Variants in EIF2B5 observed in about 807,000 individuals in gnomAD.
EIF2B5 encodes eukaryotic translation initiation factor 2B subunit epsilon, also known as translation initiation factor eIF2B subunit epsilon.
EIF2B5 carries 38 observed loss-of-function variants against 87.3 expected under a neutral mutation model. The ratio of observed to expected loss-of-function variants is 0.44; its 90% confidence interval spans 0.34 to 0.57. The LOEUF (loss-of-function observed/expected upper bound fraction) is 0.57, where lower values mean the gene tolerates loss of function less well. Ranked by LOEUF, EIF2B5 falls within the 20% of genes least tolerant of loss-of-function variation. EIF2B5 has a pLI of 0.02. For missense variants in EIF2B5, 784 were observed against 909.5 expected (o/e 0.86, Z 1.78); for synonymous variants, 313 against 339.6 (o/e 0.92, Z 0.86).
At chr3:184,135,647 T>G in intron 1 of EIF2B5, 67 bp downstream of exon 1, 22 of 1,543,286 alleles carry the variant, frequency 1.4e-5, no homozygotes, top group Non-Finnish European at 1.8e-5. Context: ...AGTTCTCATT[T>G]CGGCTAACTA....
chr3:184,142,081 A>T lies in EIF2B5; in HGVS notation c.1302+11A>T, dbSNP rs780945042. 6.8e-6 allele frequency: 11 copies of T among 1,614,100 alleles called. No individual in the cohort carries two copies. Among genetic ancestry groups the T allele is most frequent in the Non-Finnish European group, 9.3e-6 (11 of 1,180,036 alleles). ...GTCCTCACTTCCCAGGTGAGACCTG[A>T]TCTATACTGTGCACAGGCCCTGAAT... On this transcript the variant is annotated intron_variant, in intron 8 of 15. Coordinates refer to ENST00000648915, the MANE Select transcript of EIF2B5 (RefSeq NM_003907.3). This position sits in a 1 kb window ranked among gnomAD's most constrained non-coding sequence, Gnocchi z 5.0.
rs1713690599 is a variant in EIF2B5, at chr3:184,142,621, C to G, written c.1546+18C>G. On this transcript the variant is annotated intron_variant, in intron 10 of 15. Coordinates refer to ENST00000648915, the MANE Select transcript of EIF2B5 (RefSeq NM_003907.3). The surrounding 1 kb of genome is among the most constrained non-coding windows in gnomAD (Gnocchi z 5.0). ...TCTGTGGGGTGAGCTAGGCCTGATG[C>G]CTGCCCTTCTCCTCCTGAATCGGAA... The G allele has an allele frequency of 6.2e-7, 1 of 1,608,866 alleles. No homozygotes were observed. Among genetic ancestry groups the G allele is most frequent in the Non-Finnish European group, 8.5e-7 (1 of 1,176,518 alleles).
intron 7 of EIF2B5, 81 bp from the exon 8 acceptor site, chr3:184,141,844 A>C: frequency 6.3e-7 from 1 of 1,577,406 alleles, no homozygotes; most frequent in Non-Finnish European, 8.7e-7. Context: ...TGCTGGTGTC[A>C]GTCAGCCCTG....
Position 184,142,126 on chromosome 3 carries a change from G to A in EIF2B5, c.1302+56G>A, listed in dbSNP as rs560147324. The A allele has an allele frequency of 6.2e-7, 1 of 1,614,010 alleles. No homozygotes were observed. The highest frequency in any genetic ancestry group is 1.7e-5 in the Admixed American group (1 of 60,014). ...CTGAATTGCATGGCAGTCACACTGAGCCAGAAGGGGCATTATTTCCACCCA... is the reference window on the plus strand; with the variant it reads ...CTGAATTGCATGGCAGTCACACTGAACCAGAAGGGGCATTATTTCCACCCA... On this transcript the variant is annotated intron_variant, in intron 8 of 15. Coordinates refer to ENST00000648915, the MANE Select transcript of EIF2B5 (RefSeq NM_003907.3). The surrounding 1 kb of genome is among the most constrained non-coding windows in gnomAD (Gnocchi z 5.0).
intron 6 of EIF2B5, 107 bp downstream of exon 6, chr3:184,140,264 G>A (rs1427053476): frequency 7.0e-7 from 1 of 1,426,578 alleles, no homozygotes; most frequent in African/African-American, 1.4e-5. Context: ...GCTTAGGAGG[G>A]AGGAAAAGCA....
chr3:184,140,723 C>G lies in EIF2B5; in HGVS notation c.1149C>G (p.Cys383Trp). 6.2e-7 allele frequency: 1 copy of G among 1,614,054 alleles called. No homozygotes were observed. The highest frequency in any genetic ancestry group is 8.5e-7 in the Non-Finnish European group (1 of 1,180,034). ...FITNSVIGPGCHIGDNVVLDQ... is the reference protein window; with the variant it reads ...FITNSVIGPGWHIGDNVVLDQ... ...CCAACAGTGTCATTGGCCCCGGCTG[C>G]CACATTGGTGAGCACAGGTGGGGAA... The change falls in exon 7 of 16, where the codon TGC becomes TGG. Residue 383 changes from cysteine to tryptophan, a missense_variant. Coordinates refer to ENST00000648915, the MANE Select transcript of EIF2B5 (RefSeq NM_003907.3).
rs549600971 is a variant in EIF2B5, at chr3:184,141,896, T to TA, written c.1157-28dup. 175 of 1,613,700 alleles carry TA rather than the reference T, an allele frequency of 1.1e-4. No homozygotes were observed. The South Asian group carries it at 1.7e-3, about 15-fold the overall frequency. ...CTGCTCTGCGGTTGGAACCCTGAGTTACCCAGAGGTCTTCCCATCCTGAGC... is the reference window on the plus strand; with the variant it reads ...CTGCTCTGCGGTTGGAACCCTGAGTTAACCCAGAGGTCTTCCCATCCTGAGC... On this transcript the variant is annotated intron_variant, in intron 7 of 15. Coordinates refer to ENST00000648915, the MANE Select transcript of EIF2B5 (RefSeq NM_003907.3).
In EIF2B5 at chr3:184,142,643, G is replaced by A. The variant is rs761136935; in HGVS notation, c.1546+40G>A. On this transcript the variant is annotated intron_variant, in intron 10 of 15. Coordinates refer to ENST00000648915, the MANE Select transcript of EIF2B5 (RefSeq NM_003907.3). The surrounding 1 kb of genome is among the most constrained non-coding windows in gnomAD (Gnocchi z 5.0). ...ATGCCTGCCCTTCTCCTCCTGAATC[G>A]GAATATTTTGAAGGATAATGAATAC... The A allele has an allele frequency of 4.5e-5, 72 of 1,590,904 alleles. No homozygotes were observed. The highest frequency in any genetic ancestry group is 1.2e-4 in the Admixed American group (7 of 56,612).
rs1713312122 is a variant in EIF2B5, at chr3:184,135,570, ACCAGCCTCGGGTGAGCG to A, written c.188_195+9del. The A allele has an allele frequency of 6.3e-7, 1 of 1,587,630 alleles. No homozygotes were observed. The highest frequency in any genetic ancestry group is 1.4e-5 in the African/African-American group (1 of 73,994). ...CGCCGCTTCTTCCCCATCTCCAAGG[ACCAGCCTCGGGTGAGCG>A]CCGCGCACGCGAGCAGCCAGAGGGC... On this transcript the variant is annotated splice_donor_variant and splice_donor_5th_base_variant and coding_sequence_variant and intron_variant, in exon 1 of 16. Coordinates refer to ENST00000648915, the MANE Select transcript of EIF2B5 (RefSeq NM_003907.3). LOFTEE classifies it high-confidence loss of function.
At chr3:184,143,911 T>C in intron 13 of EIF2B5, 188 bp from the exon 14 acceptor site, 1 of 924,666 alleles carries the variant, frequency 1.1e-6, no homozygotes, top group East Asian at 2.4e-5. Context: ...CTGATCCCCT[T>C]TCACCTTCCC....
rs755710011 is a variant in EIF2B5 at position 184,138,258 on chromosome 3, A to G, written c.765+12A>G. On this transcript the variant is annotated intron_variant, in intron 5 of 15. Coordinates refer to ENST00000648915, the MANE Select transcript of EIF2B5 (RefSeq NM_003907.3). Reference sequence around the variant, plus strand: ...TCTGTTCTCCTCAGGTGAGCTCTTTAGGGCTGGGGCTGCACACCCAAAGAG... The same window carrying G: ...TCTGTTCTCCTCAGGTGAGCTCTTTGGGGCTGGGGCTGCACACCCAAAGAG... The G allele has an allele frequency of 1.9e-6, 3 of 1,612,916 alleles. No individual in the cohort carries two copies. The Admixed American group carries it at 5.0e-5, about 27-fold the overall frequency.
chr3:184,136,471 A>T, intron 1 of EIF2B5, 141 bp from the exon 2 acceptor site: 1 of 1,125,134 alleles, frequency 8.9e-7, no homozygotes, highest in Non-Finnish European at 1.3e-6. Flanking sequence ...CATCAAAGGC[A>T]GGAACCTGTT....
chr3:184,142,417 G>A lies in EIF2B5; in HGVS notation c.1444+39G>A, dbSNP rs755667859. 70 of 1,614,052 alleles carry A rather than the reference G, an allele frequency of 4.3e-5. No homozygotes were observed. The highest frequency in any genetic ancestry group is 5.2e-5 in the Non-Finnish European group (61 of 1,180,038). On this transcript the variant is annotated intron_variant, in intron 9 of 15. Coordinates refer to ENST00000648915, the MANE Select transcript of EIF2B5 (RefSeq NM_003907.3). The surrounding 1 kb of genome is among the most constrained non-coding windows in gnomAD (Gnocchi z 5.0). ...CAGGTGTGGGGCATCTGTGTGTCTC[G>A]CTGCCTCATAGAAGAACCAGTGTTT...
At chr3:184,137,569 A>T (rs1238676631) in intron 2 of EIF2B5, 51 bp from the exon 3 acceptor site, 1 of 1,591,832 alleles carries the variant, frequency 6.3e-7, no homozygotes, top group Non-Finnish European at 8.6e-7. Flanking sequence ...GGAAGGCTCA[A>T]ATGATCTTTA....
chr3:184,138,057 G>A lies in EIF2B5; in HGVS notation c.666G>A (p.Arg222=), dbSNP rs1713446482. 1 of 1,614,032 alleles carries A rather than the reference G, an allele frequency of 6.2e-7. No individual in the cohort carries two copies. The highest frequency in any genetic ancestry group is 8.5e-7 in the Non-Finnish European group (1 of 1,180,052). ...ATTTTCAGAAGACCCAGGGTCTCCG[G>A]CGTTTTGCATTTCCTCTGGTGTGTG... ...VLHFQKTQGL[R]RFAFPLSLFQ... The change falls in exon 4 of 16, where the codon CGG becomes CGA. Residue 222 remains arginine, a synonymous_variant. Transcript: ENST00000648915.
intron 5 of EIF2B5, among the ~76,000 whole-genome samples, chr3:184,139,644 C>T (rs1205247325): frequency 6.7e-6 from 1 of 150,276 alleles, no homozygotes; most frequent in South Asian, 2.1e-4. Context: ...CACTGGGAGT[C>T]TCTTTGGAAT....
chr3:184,144,765 C>T (rs771846717), intron 15 of EIF2B5, 58 bp downstream of exon 15: 6 of 1,587,128 alleles, frequency 3.8e-6, no homozygotes, highest in Non-Finnish European at 5.2e-6. Flanking sequence ...GGTCCTGGCC[C>T]CTAGACTCTA....
In EIF2B5 at chr3:184,137,935, A is replaced by T. The variant is rs760372231; in HGVS notation, c.544A>T (p.Thr182Ser). 6.2e-7 allele frequency: 1 copy of T among 1,614,160 alleles called. No individual in the cohort carries two copies. Among genetic ancestry groups the T allele is most frequent in the Non-Finnish European group, 8.5e-7 (1 of 1,180,040 alleles). ...RKLEKNVSVMTMIFKESSPSH... is the reference protein window; with the variant it reads ...RKLEKNVSVMSMIFKESSPSH... ...GCTAGAAAAAAATGTTTCTGTGATGACGATGATCTTCAAGGAGTCATCCCC... is the reference window on the plus strand; with the variant it reads ...GCTAGAAAAAAATGTTTCTGTGATGTCGATGATCTTCAAGGAGTCATCCCC... Residue 182 changes from threonine to serine, a missense_variant, in exon 4 of 16, where the codon ACG (threonine) becomes TCG (serine). Transcript: ENST00000648915.
rs1010844533 is a variant in EIF2B5 at position 184,142,284 on chromosome 3, T to C, written c.1350T>C (p.Ser450=). The part of the protein sequence containing the change: ...NITLPEGSVI[S]LHPPDAEEDE... ...CGCTGCCTGAGGGCTCGGTGATCTCTTTGCACCCTCCAGATGCAGAGGAAG... is the reference window on the plus strand; with the variant it reads ...CGCTGCCTGAGGGCTCGGTGATCTCCTTGCACCCTCCAGATGCAGAGGAAG... The change falls in exon 9 of 16, where the codon TCT becomes TCC. Residue 450 remains serine (S), a synonymous_variant. Transcript: ENST00000648915. The surrounding 1 kb of genome is among the most constrained non-coding windows in gnomAD (Gnocchi z 5.0). 5 of 1,614,130 alleles carry C rather than the reference T, an allele frequency of 3.1e-6. No homozygotes were observed. Among genetic ancestry groups the C allele is most frequent in the East Asian group, 2.2e-5 (1 of 44,884 alleles).
Sources: allele counts gnomAD v4.1 joint callset (sites outside exome capture counted in the v4.1 genomes callset), GRCh38; gene constraint gnomAD v4.1.1; non-coding constraint Gnocchi (gnomAD v3.1); transcripts MANE v1.5; gene names NCBI Gene and HGNC (gene_info 2026-07-23, HGNC 2026-07-21).